Variants in ENAH observed in about 807,000 individuals in gnomAD.
ENAH encodes the protein ENAH actin regulator.
ENAH carries 23 observed loss-of-function variants against 78.7 expected under a neutral mutation model. The ratio of observed to expected loss-of-function variants is 0.29; its 90% confidence interval spans 0.21 to 0.41. The LOEUF (loss-of-function observed/expected upper bound fraction) is 0.41, where lower values mean the gene tolerates loss of function less well. Ranked by LOEUF, ENAH falls within the 10% of genes least tolerant of loss-of-function variation. The probability of loss-of-function intolerance (pLI) is 1.00; values close to 1 mark genes in which losing one functional copy is unlikely to be tolerated. For missense variants in ENAH, 544 were observed against 691.0 expected (o/e 0.79, Z 2.39); for synonymous variants, 226 against 241.0 (o/e 0.94, Z 0.58).
chr1:225,637,137 T>C (rs1660204584), intron 1 of ENAH, among the ~76,000 whole-genome samples: 1 of 152,186 alleles, frequency 6.6e-6, no homozygotes, highest in Admixed American at 6.5e-5. Flanking sequence ...AATGCCAAGT[T>C]AAGACATCTC....
intron 2 of ENAH, among the ~76,000 whole-genome samples, chr1:225,560,785 T>C (rs1231712512): frequency 6.6e-6 from 1 of 152,220 alleles, no homozygotes; most frequent in Non-Finnish European, 1.5e-5. Flanking sequence ...CAAATCAATA[T>C]CCCTGCTTGG....
intron 1 of ENAH, among the ~76,000 whole-genome samples, chr1:225,635,597 A>AG (rs1659917188): frequency 6.6e-6 from 1 of 152,220 alleles, no homozygotes; most frequent in Non-Finnish European, 1.5e-5. Flanking sequence ...ATACTCAAAG[A>AG]GGAAACTCAG....
chr1:225,618,817 G>T lies in ENAH; in HGVS notation c.5+33869C>A, dbSNP rs987356614. ...AATCACCTTTAAAAAAATTCCAAAG[G>T]ATTCTACTCTATACTAAATTACATT... is the stretch of plus-strand genomic sequence containing the variant. On this transcript the variant is annotated intron_variant, in intron 1 of 13. Transcript: ENST00000366843. Among the ~76,000 whole-genome samples, 54 of 152,044 alleles carry T rather than the reference G, an allele frequency of 3.6e-4. 1 individual carries two copies. Among genetic ancestry groups the T allele is most frequent in the Non-Finnish European group, 4.1e-4 (28 of 68,020 alleles).
intron 4 of ENAH, among the ~76,000 whole-genome samples, chr1:225,529,490 G>A (rs780293567): frequency 1.3e-5 from 2 of 152,010 alleles, no homozygotes. Context: ...ACTTCCCTCT[G>A]CCCCTTCACA....
chr1:225,515,168 A>G (rs1020969461), intron 6 of ENAH: 1 of 402,696 alleles, frequency 2.5e-6, no homozygotes, highest in African/African-American at 2.1e-5. Flanking sequence ...TTTTTTTTTC[A>G]TGGGGATTTG....
At chr1:225,534,350 TG>T (rs2096551623) in intron 3 of ENAH, among the ~76,000 whole-genome samples, 2 of 152,198 alleles carry the variant, frequency 1.3e-5, no homozygotes, top group Non-Finnish European at 1.5e-5. Flanking sequence ...CTGTGTCCTC[TG>T]GAACAATCCT....
intron 2 of ENAH, among the ~76,000 whole-genome samples, chr1:225,559,608 A>G (rs966817384): frequency 2.0e-5 from 3 of 152,178 alleles, no homozygotes; most frequent in African/African-American, 7.2e-5. Flanking sequence ...AACCACCATT[A>G]CTTTTGCACC....
At chr1:225,567,064 C>T (rs994963470) in intron 2 of ENAH, among the ~76,000 whole-genome samples, 185 bp downstream of exon 2, 3 of 152,156 alleles carry the variant, frequency 2.0e-5, no homozygotes, top group African/African-American at 7.2e-5. Context: ...ACAACTTGTT[C>T]TAAATCTTCG....
chr1:225,531,074 GGA>G (rs753699843), intron 3 of ENAH: 2 of 398,116 alleles, frequency 5.0e-6, no homozygotes, highest in Non-Finnish European at 4.4e-6. Flanking sequence ...ATGAAAAACA[GGA>G]GAGAGAGAGA....
At chr1:225,498,462 C>T (rs1024487349) in intron 12 of ENAH, 58 bp from the exon 13 acceptor site, 5 of 1,068,236 alleles carry the variant, frequency 4.7e-6, no homozygotes, top group Admixed American at 5.2e-5. Context: ...TAAAGAGATT[C>T]TTACTCATAA....
chr1:225,524,999 A>G (rs2151214033), intron 4 of ENAH, among the ~76,000 whole-genome samples: 1 of 152,354 alleles, frequency 6.6e-6, no homozygotes, highest in South Asian at 2.1e-4. Context: ...TAACAGTAGT[A>G]ATAAATAACT....
chr1:225,556,943 G>A (rs1170601726), intron 2 of ENAH, among the ~76,000 whole-genome samples: 3 of 152,122 alleles, frequency 2.0e-5, no homozygotes, highest in Non-Finnish European at 2.9e-5. Flanking sequence ...CTGCAGGTTT[G>A]CCTGCAGCAC....
At chr1:225,629,536 G>A (rs1027556459) in intron 1 of ENAH, among the ~76,000 whole-genome samples, 2 of 151,054 alleles carry the variant, frequency 1.3e-5, no homozygotes, top group Admixed American at 6.6e-5. Flanking sequence ...GCAGTGAGCC[G>A]AGATCATGCC....
At chr1:225,651,754 A>G (rs568790525) in intron 1 of ENAH, among the ~76,000 whole-genome samples, 6 of 152,316 alleles carry the variant, frequency 3.9e-5, no homozygotes, top group Admixed American at 1.3e-4. Context: ...CCGAAAAGAG[A>G]AGGTTATGGA....
In ENAH at chr1:225,488,459, A is replaced by AT. The variant is rs1460437866; in HGVS notation, c.*9315dup. 2.0e-5 allele frequency: 3 copies of AT among 152,166 alleles called. No homozygotes were observed. The highest frequency in any genetic ancestry group is 4.4e-5 in the Non-Finnish European group (3 of 68,036). The allele number at this position is 152,166 out of a possible 1,614,324, so 9.4% of individuals were successfully genotyped here. ...TCCCTCTCTCGCTCCCACCAGCTACATAATAGGGACTTTCAGGATGCTCCT... is the reference window on the plus strand; with the variant it reads ...TCCCTCTCTCGCTCCCACCAGCTACATTAATAGGGACTTTCAGGATGCTCCT... On this transcript the variant is annotated 3_prime_UTR_variant, in exon 14 of 14. Coordinates refer to ENST00000366843, the MANE Select transcript of ENAH (RefSeq NM_018212.6).
chr1:225,636,735 A>G (rs1353258968), intron 1 of ENAH, among the ~76,000 whole-genome samples: 1 of 152,196 alleles, frequency 6.6e-6, no homozygotes, highest in Non-Finnish European at 1.5e-5. Flanking sequence ...TCATGAGTTT[A>G]GTTTTTTAAT....
At chr1:225,512,629 GT>G (rs1366827655) in intron 9 of ENAH, 27 bp downstream of exon 9, 1 of 1,597,198 alleles carries the variant, frequency 6.3e-7, no homozygotes, top group East Asian at 2.2e-5. Flanking sequence ...ATATTTTAAG[GT>G]ATGGTAGACT....
chr1:225,593,389 C>CTGTGTGTGTGTGTG lies in ENAH; in HGVS notation c.6-25976_6-25975insCACACACACACACA, dbSNP rs1222265738. 3.0e-4 allele frequency among the ~76,000 whole-genome samples: 6 copies of CTGTGTGTGTGTGTG among 20,040 alleles called. 1 individual carries two copies. The highest frequency in any genetic ancestry group is 4.4e-4 in the Non-Finnish European group (5 of 11,298). The allele number at this position is 20,040 out of a possible 152,430, so 13.1% of individuals were successfully genotyped here. On this transcript the variant is annotated intron_variant, in intron 1 of 13. Transcript: ENST00000366843. ...TATGCTTGCACACTGCAGCCTGCCC[C>CTGTGTGTGTGTGTG]TGTGTGTGTGTGGGGGGGGGGGGGG...
At chr1:225,505,237 C>G (rs1040153901) in intron 11 of ENAH, among the ~76,000 whole-genome samples, 1 of 152,050 alleles carries the variant, frequency 6.6e-6, no homozygotes, top group African/African-American at 2.4e-5. Flanking sequence ...TGTGAAGATA[C>G]CAGTTACAGA....
Sources: allele counts gnomAD v4.1 joint callset (sites outside exome capture counted in the v4.1 genomes callset), GRCh38; gene constraint gnomAD v4.1.1; transcripts MANE v1.5; gene names NCBI Gene and HGNC (gene_info 2026-07-23, HGNC 2026-07-21).